CDYL2: variants seen among roughly 807,000 people sequenced by gnomAD.
The protein encoded by CDYL2 is chromodomain Y like 2.
A neutral mutation model predicts 49.4 loss-of-function variants in CDYL2; 23 were observed. That is an observed-to-expected ratio of 0.47 (90% confidence interval 0.34 to 0.66). The LOEUF (loss-of-function observed/expected upper bound fraction) is 0.66, where lower values mean the gene tolerates loss of function less well. Among genes scored for constraint, CDYL2 ranks in the 30% least tolerant of loss-of-function variants. The pLI, the probability that CDYL2 is intolerant of heterozygous loss-of-function variation, is 0.01. For synonymous variants in CDYL2, 360 were observed against 268.8 expected (o/e 1.34, Z -3.32); for missense variants, 678 against 656.4 (o/e 1.03, Z -0.36).
chr16:80,793,242 T>C (rs898541910), intron 1 of CDYL2, among the ~76,000 whole-genome samples: 2 of 152,194 alleles, frequency 1.3e-5, no homozygotes, highest in African/African-American at 2.4e-5. Context: ...AGGGCGGTCT[T>C]TGTGCGTGCT....
chr16:80,659,227 A>G (rs1452505), intron 2 of CDYL2, among the ~76,000 whole-genome samples: 76,334 of 151,974 alleles, frequency 0.5, 21,153 homozygotes, highest in African/African-American at 0.72. Flanking sequence ...TAAAATAACT[A>G]GCTTGTATTC....
chr16:80,676,320 A>G (rs573328333), intron 2 of CDYL2, among the ~76,000 whole-genome samples: 21 of 152,308 alleles, frequency 1.4e-4, no homozygotes, highest in African/African-American at 5.1e-4. Flanking sequence ...AAGGTTAGTG[A>G]AAGTGTGTTG....
chr16:80,683,895 T>G (rs1027785927), intron 2 of CDYL2, among the ~76,000 whole-genome samples: 4 of 152,310 alleles, frequency 2.6e-5, no homozygotes, highest in Admixed American at 1.3e-4. Flanking sequence ...TTGTGAGAAA[T>G]TAGATTTCCA....
intron 1 of CDYL2, among the ~76,000 whole-genome samples, chr16:80,728,491 G>A (rs888530360): frequency 1.2e-4 from 18 of 152,216 alleles, no homozygotes; most frequent in East Asian, 9.7e-4. Flanking sequence ...TGAAAGTGAT[G>A]GGGAGAATGG....
intron 1 of CDYL2, among the ~76,000 whole-genome samples, chr16:80,785,883 A>G (rs1376644041): frequency 2.6e-5 from 4 of 152,234 alleles, no homozygotes; most frequent in African/African-American, 4.8e-5. Context: ...TATTTAATAA[A>G]TGGTGTTGGG....
chr16:80,677,692 T>C (rs576113808), intron 2 of CDYL2, among the ~76,000 whole-genome samples: 6 of 151,840 alleles, frequency 4.0e-5, no homozygotes, highest in South Asian at 2.1e-4. Context: ...TGAGCCAAGA[T>C]TGCACCACTG....
At chr16:80,638,361 C>T (rs1907933753) in intron 2 of CDYL2, among the ~76,000 whole-genome samples, 2 of 152,194 alleles carry the variant, frequency 1.3e-5, no homozygotes, top group African/African-American at 4.8e-5. Flanking sequence ...AGGCGTGTGC[C>T]ACCACACTTC....
chr16:80,797,347 T>C (rs562364345), intron 1 of CDYL2, among the ~76,000 whole-genome samples: 1 of 152,308 alleles, frequency 6.6e-6, no homozygotes, highest in Admixed American at 6.5e-5. Flanking sequence ...GCCTGGAAAT[T>C]ATACCTTAAC....
chr16:80,677,731 T>C (rs1909811306), intron 2 of CDYL2, among the ~76,000 whole-genome samples: 1 of 148,200 alleles, frequency 6.7e-6, no homozygotes, highest in African/African-American at 2.5e-5. Context: ...AGAGCGAGAC[T>C]CCATCTCAAA....
At chr16:80,717,004 T>TGATGGATGGATGGATG (rs60811461) in intron 1 of CDYL2, among the ~76,000 whole-genome samples, 97 of 147,454 alleles carry the variant, frequency 6.6e-4, no homozygotes, top group African/African-American at 2.2e-3. Context: ...ATGATTCAAT[T>TGATGGATGGATGGATG]GATGGATGGA....
chr16:80,602,053 C>G lies in CDYL2; in HGVS notation c.*2335G>C, dbSNP rs1482603373. ...AACCGATGCTGAATATAACTGCGCC[C>G]AATCAGAAGTTCAACAGAAAAGAGG... On this transcript the variant is annotated 3_prime_UTR_variant, in exon 7 of 7. Coordinates refer to ENST00000570137, the MANE Select transcript of CDYL2 (RefSeq NM_152342.4). 6.6e-6 allele frequency: 1 copy of G among 152,140 alleles called. No homozygotes were observed. Among genetic ancestry groups the G allele is most frequent in the Non-Finnish European group, 1.5e-5 (1 of 68,048 alleles). The allele number at this position is 152,140 out of a possible 1,614,324, so 9.4% of individuals were successfully genotyped here.
chr16:80,749,800 G>T (rs1002106186), intron 1 of CDYL2, among the ~76,000 whole-genome samples: 19 of 152,086 alleles, frequency 1.2e-4, no homozygotes, highest in South Asian at 2.1e-4. Context: ...TGTTTATTGT[G>T]GCACTATTCA....
At chr16:80,694,994 G>A (rs190638802) in intron 1 of CDYL2, among the ~76,000 whole-genome samples, 1 of 152,336 alleles carries the variant, frequency 6.6e-6, no homozygotes, top group African/African-American at 2.4e-5. Context: ...CTGATAATAA[G>A]AGTAACCCAA....
rs1407218289 is a variant in CDYL2, at chr16:80,608,089, C to T, written c.1362+3G>A. 2 of 1,573,582 alleles carry T rather than the reference C, an allele frequency of 1.3e-6. No homozygotes were observed. Among genetic ancestry groups the T allele is most frequent in the East Asian group, 2.3e-5 (1 of 42,848 alleles). On this transcript the variant is annotated splice_donor_region_variant and intron_variant, in intron 6 of 6. Coordinates refer to ENST00000570137, the MANE Select transcript of CDYL2 (RefSeq NM_152342.4). Reference sequence around the variant, plus strand: ...CAAGCACGCAGGAGGCGCAGGAACTCACCACGGCACTGCAGGATGCCATCT... The same window carrying T: ...CAAGCACGCAGGAGGCGCAGGAACTTACCACGGCACTGCAGGATGCCATCT...
intron 1 of CDYL2, among the ~76,000 whole-genome samples, chr16:80,707,950 G>T (rs1361055015): frequency 2.0e-5 from 3 of 152,136 alleles, no homozygotes; most frequent in Non-Finnish European, 4.4e-5. Flanking sequence ...GTTACTAAGG[G>T]TAGATCACCT....
intron 2 of CDYL2, among the ~76,000 whole-genome samples, chr16:80,652,157 G>C (rs527554229): frequency 5.3e-5 from 8 of 152,286 alleles, no homozygotes; most frequent in Admixed American, 1.3e-4. Context: ...CTGGGGCACA[G>C]ATACTAGTTT....
intron 1 of CDYL2, among the ~76,000 whole-genome samples, chr16:80,751,052 T>A (rs16953944): frequency 6.6e-6 from 1 of 152,168 alleles, no homozygotes; most frequent in Non-Finnish European, 1.5e-5. Flanking sequence ...TTTCAAAAGA[T>A]AATGTAAAAG....
chr16:80,718,524 T>C (rs7197117), intron 1 of CDYL2, among the ~76,000 whole-genome samples: 3,483 of 152,248 alleles, frequency 0.023, 139 homozygotes, highest in African/African-American at 0.081. Flanking sequence ...GCCTAAGATC[T>C]GCATCACCTG....
intron 2 of CDYL2, among the ~76,000 whole-genome samples, chr16:80,657,031 G>A (rs79497489): frequency 0.026 from 3,936 of 152,294 alleles, 135 homozygotes; most frequent in African/African-American, 0.071. Context: ...CTATCAGAGA[G>A]AGAGAGAAGG....
Sources: gnomAD v4.1 joint callset for allele counts (sites outside exome capture counted in the v4.1 genomes callset) on GRCh38, gnomAD v4.1.1 for gene constraint, MANE v1.5 for transcripts, NCBI Gene and HGNC (gene_info 2026-07-23, HGNC 2026-07-21) for gene names.